The following CSMD1 variants were observed in gnomAD, a reference collection of about 807,000 sequenced individuals.
CSMD1 encodes CUB and sushi domain-containing protein 1.
In CSMD1, 213 loss-of-function variants were observed where a neutral mutation model predicts 417.5. The ratio of observed to expected loss-of-function variants is 0.51; its 90% confidence interval spans 0.46 to 0.57. The LOEUF (loss-of-function observed/expected upper bound fraction) is 0.57, where lower values mean the gene tolerates loss of function less well. Among genes scored for constraint, CSMD1 ranks in the 20% least tolerant of loss-of-function variants. The probability of loss-of-function intolerance (pLI) is 0.00; values close to 1 mark genes in which losing one functional copy is unlikely to be tolerated. For missense variants in CSMD1, 6,923 were observed against 4,529.7 expected (o/e 1.53, Z -15.17); for synonymous variants, 2,862 against 1,736.8 (o/e 1.65, Z -16.11).
At chr8:3,392,515 G>A (rs1811411969) in intron 17 of CSMD1, among the ~76,000 whole-genome samples, 1 of 151,944 alleles carries the variant, frequency 6.6e-6, no homozygotes, top group Non-Finnish European at 1.5e-5. Flanking sequence ...TGGACTCATT[G>A]GTTCCTTTAA....
chr8:4,076,008 G>A (rs377032308), intron 3 of CSMD1, among the ~76,000 whole-genome samples: 6 of 152,072 alleles, frequency 3.9e-5, no homozygotes, highest in Admixed American at 6.6e-5. Context: ...GTGGAGGGGG[G>A]ATATTTTAAT....
rs117393259 is a variant in CSMD1 at position 3,874,401 on chromosome 8, G to A, written c.819-120359C>T. Among the ~76,000 whole-genome samples, 10 of 152,238 alleles carry A rather than the reference G, an allele frequency of 6.6e-5. No homozygotes were observed. In the East Asian group the frequency reaches 1.5e-3, roughly 24 times the overall value. ...GACGTACTTTTCAGTGACTCCTACA[G>A]TCATTATAGGTTTTATCCCTGGATC... On this transcript the variant is annotated intron_variant, in intron 5 of 69. Coordinates refer to ENST00000635120, the MANE Select transcript of CSMD1 (RefSeq NM_033225.6).
At chr8:3,505,304 G>T (rs563513488) in intron 10 of CSMD1, among the ~76,000 whole-genome samples, 1 of 152,284 alleles carries the variant, frequency 6.6e-6, no homozygotes, top group African/African-American at 2.4e-5. Flanking sequence ...AAGATGTGTG[G>T]AGTGACCGCT....
In CSMD1 at chr8:4,192,002, A is replaced by G. The variant is rs1357534045; in HGVS notation, c.416-159903T>C. Among the ~76,000 whole-genome samples, 4 of 152,310 alleles carry G rather than the reference A, an allele frequency of 2.6e-5. No homozygotes were observed. The East Asian group carries it at 7.7e-4, about 29-fold the overall frequency. The stretch of plus-strand genomic sequence containing the variant: ...CACGTCCCTAAGGATTTCACTCGAA[A>G]TATGCAAGCTTCCCGCTGTTGCCAA... On this transcript the variant is annotated intron_variant, in intron 3 of 69. Coordinates refer to ENST00000635120, the MANE Select transcript of CSMD1 (RefSeq NM_033225.6).
intron 3 of CSMD1, among the ~76,000 whole-genome samples, chr8:4,106,190 G>A (rs764777376): frequency 9.2e-5 from 14 of 152,122 alleles, no homozygotes; most frequent in Admixed American, 5.2e-4. Context: ...ATGGACACCC[G>A]GAGATCTATG....
chr8:4,058,981 C>G (rs11988646), intron 3 of CSMD1, among the ~76,000 whole-genome samples: 142,215 of 151,598 alleles, frequency 0.94, 66,773 homozygotes, highest in East Asian at 0.99. Context: ...CAAATCAACA[C>G]AACACAAATT....
intron 2 of CSMD1, among the ~76,000 whole-genome samples, chr8:4,485,995 C>T (rs768863352): frequency 2.0e-5 from 3 of 151,348 alleles, no homozygotes; most frequent in Non-Finnish European, 4.4e-5. Context: ...CTTGTGAATC[C>T]CTCCTTATGT....
In CSMD1 at chr8:3,626,602, T is replaced by A. The variant is rs371655909; in HGVS notation, c.1010-9805A>T. On this transcript the variant is annotated intron_variant, in intron 7 of 69. Coordinates refer to ENST00000635120, the MANE Select transcript of CSMD1 (RefSeq NM_033225.6). Reference sequence around the variant, plus strand: ...TCCCTAGATTTAGAAAACCATGAGATATGATTTGAATGATGAGTCCCCACA... The same window carrying A: ...TCCCTAGATTTAGAAAACCATGAGAAATGATTTGAATGATGAGTCCCCACA... Among the ~76,000 whole-genome samples, 17 of 151,734 alleles carry A rather than the reference T, an allele frequency of 1.1e-4. No homozygotes were observed. The South Asian group carries it at 3.5e-3, about 31-fold the overall frequency.
At chr8:4,665,353 CA>C (rs1804853599) in intron 1 of CSMD1, among the ~76,000 whole-genome samples, 1 of 152,084 alleles carries the variant, frequency 6.6e-6, no homozygotes, top group African/African-American at 2.4e-5. Context: ...GACTAATTTC[CA>C]AAAAGTAAAC....
intron 6 of CSMD1, among the ~76,000 whole-genome samples, chr8:3,734,685 T>C (rs1796437068): frequency 6.6e-6 from 1 of 152,200 alleles, no homozygotes; most frequent in African/African-American, 2.4e-5. Context: ...CACTCCAGCA[T>C]GGGTGACAGA....
chr8:4,622,023 T>C (rs367627778), intron 2 of CSMD1, among the ~76,000 whole-genome samples: 3 of 152,032 alleles, frequency 2.0e-5, no homozygotes, highest in African/African-American at 4.8e-5. Flanking sequence ...TAGGAAACTT[T>C]CTCAAGCAGA....
intron 10 of CSMD1, among the ~76,000 whole-genome samples, chr8:3,506,336 G>A (rs976008614): frequency 2.6e-5 from 4 of 152,178 alleles, no homozygotes; most frequent in African/African-American, 4.8e-5. Flanking sequence ...AAAGAGACAA[G>A]GAGGCTTGCC....
intron 5 of CSMD1, among the ~76,000 whole-genome samples, chr8:3,915,699 T>C (rs984527405): frequency 6.6e-6 from 1 of 151,296 alleles, no homozygotes; most frequent in Non-Finnish European, 1.5e-5. Flanking sequence ...CTATCTCTGT[T>C]ATAATTTATT....
chr8:3,500,635 C>T (rs778025989), intron 10 of CSMD1, among the ~76,000 whole-genome samples: 1 of 151,952 alleles, frequency 6.6e-6, no homozygotes, highest in Non-Finnish European at 1.5e-5. Context: ...TGTGAAAAAT[C>T]CATAAAACTA....
At chr8:3,274,978 T>G (rs999997154) in intron 26 of CSMD1, among the ~76,000 whole-genome samples, 1 of 152,194 alleles carries the variant, frequency 6.6e-6, no homozygotes, top group Non-Finnish European at 1.5e-5. Flanking sequence ...ATTATGATGT[T>G]AGCTGGTTAT....
rs1157018318 is a variant in CSMD1, at chr8:4,091,550, G to A, written c.416-59451C>T. Among the ~76,000 whole-genome samples the A allele has an allele frequency of 2.6e-5, 4 of 152,236 alleles. No homozygotes were observed. The East Asian group carries it at 5.8e-4, about 22-fold the overall frequency. On this transcript the variant is annotated intron_variant, in intron 3 of 69. Transcript: ENST00000635120. ...AAAGCTGGCACTCAGCAATGCAAAC[G>A]TGGCCACCGCTCCTTTCTATCCCTC...
chr8:3,119,430 G>A (rs975556523), intron 41 of CSMD1, among the ~76,000 whole-genome samples: 2 of 126,810 alleles, frequency 1.6e-5, no homozygotes, highest in East Asian at 4.7e-4. Context: ...TAATCCCTAA[G>A]CTGACAACTA....
At chr8:3,511,988 T>A (rs1056368805) in intron 10 of CSMD1, among the ~76,000 whole-genome samples, 1 of 151,976 alleles carries the variant, frequency 6.6e-6, no homozygotes, top group East Asian at 1.9e-4. Flanking sequence ...TGAGGACTCA[T>A]GAGTTTACAA....
At chr8:4,041,035 G>C (rs370538702) in intron 3 of CSMD1, among the ~76,000 whole-genome samples, 2 of 33,092 alleles carry the variant, frequency 6.0e-5, no homozygotes, top group Non-Finnish European at 1.2e-4. Flanking sequence ...TTTTTTTTTT[G>C]AGACGGAGTC....
Sources: gnomAD v4.1 joint callset for allele counts (sites outside exome capture counted in the v4.1 genomes callset) on GRCh38, gnomAD v4.1.1 for gene constraint, MANE v1.5 for transcripts, NCBI Gene and HGNC (gene_info 2026-07-23, HGNC 2026-07-21) for gene names.